The following CSMD3 variants were observed in gnomAD, a reference collection of about 807,000 sequenced individuals.
The protein encoded by CSMD3 is CUB and sushi domain-containing protein 3.
CSMD3 carries 177 observed loss-of-function variants against 435.2 expected under a neutral mutation model. That is an observed-to-expected ratio of 0.41 (90% CI 0.36 to 0.46). The LOEUF is 0.46. CSMD3 is among the 20% of genes least tolerant of loss of function. The pLI, the probability that CSMD3 is intolerant of heterozygous loss-of-function variation, is 0.34. For missense variants in CSMD3, 4,265 were observed against 4,504.6 expected (o/e 0.95, Z 1.52); for synonymous variants, 1,656 against 1,520.5 (o/e 1.09, Z -2.07).
chr8:112,445,540 A>G lies in CSMD3; in HGVS notation c.5395+27051T>C, dbSNP rs114889262. Among the ~76,000 whole-genome samples, 434 of 152,254 alleles carry G rather than the reference A, an allele frequency of 2.9e-3. 5 individuals carry two copies. The highest frequency in any genetic ancestry group is 9.8e-3 in the African/African-American group (406 of 41,548). ...GCCACATTCTTTTAGACAACCAGCT[A>G]TCACATGAACTCAGAACGAGAACTC... On this transcript the variant is annotated intron_variant, in intron 32 of 70. Transcript: ENST00000297405.
At chr8:112,957,467 G>GTTTT (rs942421141) in intron 7 of CSMD3, among the ~76,000 whole-genome samples, 3 of 152,166 alleles carry the variant, frequency 2.0e-5, no homozygotes, top group Non-Finnish European at 4.4e-5. Context: ...TTGTTTGTTT[G>GTTTT]TTTTGAGAAT....
rs757082829 is a variant in CSMD3 at position 112,685,442 on chromosome 8, A to G, written c.2446T>C (p.Ser816Pro). Residue 816 changes from serine to proline, a missense_variant, in exon 15 of 71, where the codon TCA becomes CCA. Physicochemically the swap from Ser to Pro is moderately conservative, Grantham distance 74. Coordinates refer to ENST00000297405, the MANE Select transcript of CSMD3 (RefSeq NM_198123.2). ...ILRLEFQADH[S>P]MSGRGFNITY... ...ATGTTAAAGCCACGTCCTGACATTG[A>G]GTGGTCAGCCTGAAATTCCAATCGC... 6.2e-7 allele frequency: 1 copy of G among 1,613,874 alleles called. No homozygotes were observed. The highest frequency in any genetic ancestry group is 8.5e-7 in the Non-Finnish European group (1 of 1,179,950).
At chr8:112,611,450 TA>T (rs1275450988) in intron 22 of CSMD3, among the ~76,000 whole-genome samples, 7 of 152,200 alleles carry the variant, frequency 4.6e-5, no homozygotes, top group Non-Finnish European at 1.0e-4. Flanking sequence ...AAAAGAGACA[TA>T]AAAGTTTCTT....
At chr8:113,087,351 A>T (rs2131488636) in intron 5 of CSMD3, among the ~76,000 whole-genome samples, 2 of 151,908 alleles carry the variant, frequency 1.3e-5, no homozygotes, top group South Asian at 4.2e-4. Context: ...GAATTGGAAA[A>T]AACTACTTTA....
At chr8:112,250,987 T>A (rs1466899215) in intron 63 of CSMD3, among the ~76,000 whole-genome samples, 3 of 151,730 alleles carry the variant, frequency 2.0e-5, no homozygotes, top group Admixed American at 2.0e-4. Context: ...GCAAATAATA[T>A]AATAGACATT....
intron 2 of CSMD3, among the ~76,000 whole-genome samples, chr8:113,298,305 T>G (rs913607859): frequency 2.6e-5 from 4 of 152,092 alleles, no homozygotes; most frequent in Admixed American, 1.3e-4. Flanking sequence ...CTTACGTATT[T>G]TAACCTAAAT....
At chr8:113,018,874 C>G in intron 6 of CSMD3, 193 bp downstream of exon 6, 1 of 592,760 alleles carries the variant, frequency 1.7e-6, no homozygotes, top group Non-Finnish European at 3.0e-6. Context: ...GAATATTATA[C>G]TATAAAATCA....
Position 112,637,012 on chromosome 8 carries a change from A to G in CSMD3, c.3527-7T>C. The G allele has an allele frequency of 6.2e-7, 1 of 1,612,700 alleles. No individual in the cohort carries two copies. Among genetic ancestry groups the G allele is most frequent in the Non-Finnish European group, 8.5e-7 (1 of 1,178,874 alleles). On this transcript the variant is annotated splice_region_variant and splice_polypyrimidine_tract_variant and intron_variant, in intron 21 of 70. Transcript: ENST00000297405. The stretch of plus-strand genomic sequence containing the variant: ...CAAGGTTCAAGGTTATATTCTGTAA[A>G]TTAGAGAGAAAAATTTCCCCGCGGG...
At chr8:112,345,000 T>A (rs1825526657) in intron 41 of CSMD3, among the ~76,000 whole-genome samples, 2 of 152,110 alleles carry the variant, frequency 1.3e-5, no homozygotes, top group Admixed American at 6.5e-5. Flanking sequence ...AAAATTTAGG[T>A]TGAATTTATC....
intron 32 of CSMD3, among the ~76,000 whole-genome samples, chr8:112,410,363 T>C (rs1386687754): frequency 6.6e-6 from 1 of 151,178 alleles, no homozygotes; most frequent in Non-Finnish European, 1.5e-5. Context: ...AAATTTATGT[T>C]TCCACCTAAC....
chr8:112,280,373 T>C (rs921829771), intron 59 of CSMD3, among the ~76,000 whole-genome samples: 1 of 151,952 alleles, frequency 6.6e-6, no homozygotes, highest in Non-Finnish European at 1.5e-5. Context: ...TGGGCTCAGG[T>C]GATCCTCTCA....
At chr8:112,926,760 T>A (rs2130673262) in intron 9 of CSMD3, among the ~76,000 whole-genome samples, 1 of 152,026 alleles carries the variant, frequency 6.6e-6, no homozygotes, top group African/African-American at 2.4e-5. Context: ...GGACAGATAA[T>A]AGTGCTTGGG....
chr8:113,080,466 T>G (rs1339806688), intron 5 of CSMD3, among the ~76,000 whole-genome samples: 2 of 152,128 alleles, frequency 1.3e-5, no homozygotes, highest in Non-Finnish European at 2.9e-5. Flanking sequence ...TGACATATAA[T>G]GAATAATTTT....
At chr8:113,432,387 G>C (rs1048244653) in intron 1 of CSMD3, among the ~76,000 whole-genome samples, 1 of 152,212 alleles carries the variant, frequency 6.6e-6, no homozygotes, top group African/African-American at 2.4e-5. Context: ...TCCTTTGGTT[G>C]TCCTCCTTCA....
At chr8:112,272,417 T>G (rs1442086292) in intron 59 of CSMD3, among the ~76,000 whole-genome samples, 1 of 152,138 alleles carries the variant, frequency 6.6e-6, no homozygotes, top group Non-Finnish European at 1.5e-5. Context: ...ATTTATATAG[T>G]CTGGGCATAT....
chr8:112,734,293 A>C (rs1476362880), intron 13 of CSMD3, among the ~76,000 whole-genome samples: 1 of 151,722 alleles, frequency 6.6e-6, no homozygotes, highest in Non-Finnish European at 1.5e-5. Context: ...GAGAGAGAAA[A>C]GAGGGAGAGA....
At chr8:113,151,126 G>C (rs1211094573) in intron 4 of CSMD3, among the ~76,000 whole-genome samples, 1 of 151,856 alleles carries the variant, frequency 6.6e-6, no homozygotes, top group East Asian at 1.9e-4. Context: ...GAAGTTAGTA[G>C]GTGAAAAATT....
At chr8:113,033,165 G>A (rs540004383) in intron 5 of CSMD3, among the ~76,000 whole-genome samples, 1 of 151,778 alleles carries the variant, frequency 6.6e-6, no homozygotes, top group East Asian at 1.9e-4. Flanking sequence ...CTCTCACACA[G>A]AGTCCTCACT....
chr8:113,128,866 C>T (rs926035293), intron 4 of CSMD3, among the ~76,000 whole-genome samples: 23 of 151,950 alleles, frequency 1.5e-4, no homozygotes, highest in South Asian at 6.2e-4. Flanking sequence ...TTTGAGGCAT[C>T]GAGAAAAAGT....
Sources: gnomAD v4.1 joint callset for allele counts (sites outside exome capture counted in the v4.1 genomes callset) on GRCh38, gnomAD v4.1.1 for gene constraint, MANE v1.5 for transcripts, NCBI Gene and HGNC (gene_info 2026-07-23, HGNC 2026-07-21) for gene names.